The following NXPH1 variants were observed in gnomAD, a reference collection of about 807,000 sequenced individuals.
NXPH1 encodes neurexophilin 1, also known as neurexophilin-1.
Under a neutral mutation model 23.7 loss-of-function variants are expected in NXPH1, and 5 were observed. The ratio of observed to expected loss-of-function variants is 0.21; its 90% CI spans 0.11 to 0.44. The LOEUF (loss-of-function observed/expected upper bound fraction) is 0.44, where lower values mean the gene tolerates loss of function less well. Ranked by LOEUF, NXPH1 falls within the 20% of genes least tolerant of loss-of-function variation. The pLI is 0.99. For missense variants in NXPH1, 324 were observed against 321.6 expected, an observed-to-expected ratio of 1.01 and a Z score of -0.06; for synonymous variants, 144 against 122.2, an observed-to-expected ratio of 1.18 and a Z score of -1.18.
chr7:8,442,240 C>T lies in NXPH1; in HGVS notation c.54+6473C>T, dbSNP rs1816314560. Reference sequence around the variant, plus strand: ...CATCCAGAGCGCATCGCCTCATCTGCATGAGAATGGAGAACCGGGAGGCTT... The same window carrying T: ...CATCCAGAGCGCATCGCCTCATCTGTATGAGAATGGAGAACCGGGAGGCTT... On this transcript the variant is annotated intron_variant, in intron 2 of 2. Transcript: ENST00000405863. This position sits in a 1 kb window ranked among gnomAD's most constrained non-coding sequence, Gnocchi z 4.6. 6.6e-6 allele frequency among the ~76,000 whole-genome samples: 1 copy of T among 152,246 alleles called. No homozygotes were observed. The highest frequency in any genetic ancestry group is 2.1e-4 in the South Asian group (1 of 4,830).
chr7:8,681,889 C>T (rs540719524), intron 2 of NXPH1, among the ~76,000 whole-genome samples: 106 of 152,266 alleles, frequency 7.0e-4, no homozygotes, highest in African/African-American at 2.4e-3. Flanking sequence ...CCCATATGTG[C>T]GTCATTTACT....
At chr7:8,689,573 A>G (rs943581801) in intron 2 of NXPH1, among the ~76,000 whole-genome samples, 4 of 152,158 alleles carry the variant, frequency 2.6e-5, no homozygotes, top group Non-Finnish European at 5.9e-5. Context: ...TGCCTTCTGG[A>G]ACGGAGGCCT....
chr7:8,517,993 G>C (rs945943640), intron 2 of NXPH1, among the ~76,000 whole-genome samples: 2 of 152,118 alleles, frequency 1.3e-5, no homozygotes, highest in African/African-American at 4.8e-5. Context: ...CAAACATGCA[G>C]ATAAAAGGTA....
At chr7:8,718,829 C>T (rs1203554439) in intron 2 of NXPH1, among the ~76,000 whole-genome samples, 2 of 152,178 alleles carry the variant, frequency 1.3e-5, no homozygotes, top group African/African-American at 2.4e-5. Context: ...TATTTTATAA[C>T]ACCCTTTTTG....
Position 8,645,926 on chromosome 7 carries a change from A to T in NXPH1, c.55-105082A>T, listed in dbSNP as rs73054648. On this transcript the variant is annotated intron_variant, in intron 2 of 2. Transcript: ENST00000405863. ...TCTCTGTAATCTTTTTGCCAATTCCATGTGTGTTAATTGTATTTTTATTAT... is the reference window on the plus strand; with the variant it reads ...TCTCTGTAATCTTTTTGCCAATTCCTTGTGTGTTAATTGTATTTTTATTAT... 3.3e-5 allele frequency among the ~76,000 whole-genome samples: 5 copies of T among 152,094 alleles called. No individual in the cohort carries two copies. In the South Asian group the frequency reaches 1.0e-3, roughly 32 times the overall value.
intron 2 of NXPH1, among the ~76,000 whole-genome samples, chr7:8,510,847 C>T (rs549983838): frequency 2.0e-5 from 3 of 152,252 alleles, no homozygotes; most frequent in East Asian, 3.9e-4. Context: ...TATAGTCTCT[C>T]TCAATAGGCA....
chr7:8,638,216 T>G (rs1298218490), intron 2 of NXPH1, among the ~76,000 whole-genome samples: 1 of 152,104 alleles, frequency 6.6e-6, no homozygotes, highest in Non-Finnish European at 1.5e-5. Flanking sequence ...ACATCTACAA[T>G]GGACTAATAA....
intron 2 of NXPH1, among the ~76,000 whole-genome samples, chr7:8,735,181 G>T (rs570393929): frequency 2.0e-5 from 3 of 152,252 alleles, no homozygotes; most frequent in Non-Finnish European, 4.4e-5. Flanking sequence ...ATACTATGTT[G>T]AATAGGAGTG....
At chr7:8,574,591 C>A (rs147788446) in intron 2 of NXPH1, among the ~76,000 whole-genome samples, 142 of 152,306 alleles carry the variant, frequency 9.3e-4, no homozygotes, top group African/African-American at 3.0e-3. Context: ...GAAGGCCAAA[C>A]AACACCACAG....
intron 2 of NXPH1, among the ~76,000 whole-genome samples, chr7:8,624,341 T>C (rs1014133461): frequency 2.6e-5 from 4 of 152,114 alleles, no homozygotes; most frequent in Non-Finnish European, 5.9e-5. Context: ...TTGAACCTTG[T>C]TGGAGGAAGG....
chr7:8,738,338 G>A (rs1780298062), intron 2 of NXPH1, among the ~76,000 whole-genome samples: 2 of 152,180 alleles, frequency 1.3e-5, no homozygotes, highest in Admixed American at 6.5e-5. Flanking sequence ...TGAGGTTGAT[G>A]CTATTCCTTT....
At chr7:8,655,014 C>T (rs1448715808) in intron 2 of NXPH1, among the ~76,000 whole-genome samples, 1 of 152,112 alleles carries the variant, frequency 6.6e-6, no homozygotes, top group Non-Finnish European at 1.5e-5. Context: ...TCAGGAAACT[C>T]AACTTTCCAT....
chr7:8,433,669 C>T lies in NXPH1; in HGVS notation c.-1197C>T, dbSNP rs377422049. Among the ~76,000 whole-genome samples the T allele has an allele frequency of 2.0e-3, 297 of 152,240 alleles. 2 individuals are homozygous for T. Among genetic ancestry groups the T allele is most frequent in the African/African-American group, 6.8e-3 (281 of 41,544 alleles). Reference sequence around the variant, plus strand: ...GTCTGCGGCTCCCCCGCCTCCGGCCCGGCAGCCACAGGTCGGAGGCGCCCG... The same window carrying T: ...GTCTGCGGCTCCCCCGCCTCCGGCCTGGCAGCCACAGGTCGGAGGCGCCCG... On this transcript the variant is annotated 5_prime_UTR_variant, in exon 1 of 3. Transcript: ENST00000405863. The surrounding 1 kb of genome is among the most constrained non-coding windows in gnomAD (Gnocchi z 6.8).
chr7:8,618,713 C>G (rs993277207), intron 2 of NXPH1, among the ~76,000 whole-genome samples: 23 of 152,154 alleles, frequency 1.5e-4, no homozygotes, highest in African/African-American at 5.1e-4. Flanking sequence ...CTGCATCATT[C>G]TTTCATTTTG....
intron 2 of NXPH1, among the ~76,000 whole-genome samples, chr7:8,672,998 T>C (rs1820894606): frequency 1.3e-5 from 2 of 152,174 alleles, no homozygotes; most frequent in Admixed American, 1.3e-4. Flanking sequence ...TTAGTCAAGT[T>C]ACATATCTCC....
chr7:8,479,921 GA>G (rs1186514617), intron 2 of NXPH1, among the ~76,000 whole-genome samples: 2 of 152,112 alleles, frequency 1.3e-5, no homozygotes, highest in Non-Finnish European at 2.9e-5. Flanking sequence ...TCGTTGTCTT[GA>G]AAATGGGTAA....
chr7:8,464,753 G>GT (rs1409156322), intron 2 of NXPH1, among the ~76,000 whole-genome samples: 3 of 127,484 alleles, frequency 2.4e-5, no homozygotes, highest in African/African-American at 5.4e-5. Flanking sequence ...AATGCGTGTA[G>GT]TGTTTTTTTT....
Position 8,752,959 on chromosome 7 carries a change from C to T in NXPH1, c.*1190C>T, listed in dbSNP as rs1191370263. On this transcript the variant is annotated 3_prime_UTR_variant, in exon 3 of 3. Coordinates refer to ENST00000405863, the MANE Select transcript of NXPH1 (RefSeq NM_152745.3). The stretch of plus-strand genomic sequence containing the variant: ...AAATAAAACACTTAAAGTTGAGTTT[C>T]AATATGTACTTGTGTAAGATGGTGA... The T allele has an allele frequency of 3.9e-5, 6 of 152,424 alleles. No individual in the cohort carries two copies. Among genetic ancestry groups the T allele is most frequent in the African/African-American group, 1.2e-4 (5 of 41,414 alleles). The allele number at this position is 152,424 out of a possible 1,614,324, so 9.4% of individuals were successfully genotyped here.
chr7:8,618,038 T>C (rs943115760), intron 2 of NXPH1, among the ~76,000 whole-genome samples: 3 of 152,090 alleles, frequency 2.0e-5, no homozygotes, highest in African/African-American at 7.2e-5. Flanking sequence ...TAAAAGTAAA[T>C]TAAAAAAACT....
Sources: allele counts gnomAD v4.1 joint callset (sites outside exome capture counted in the v4.1 genomes callset), GRCh38; gene constraint gnomAD v4.1.1; non-coding constraint Gnocchi (gnomAD v3.1); transcripts MANE v1.5; gene names NCBI Gene and HGNC (gene_info 2026-07-23, HGNC 2026-07-21).